Variants in IGSF21 observed in about 807,000 individuals in gnomAD.
IGSF21 encodes immunoglobin superfamily member 21.
IGSF21 carries 28 observed loss-of-function variants against 46.8 expected under a neutral mutation model. The observed-to-expected ratio is 0.60, with a 90% CI of 0.44 to 0.82. IGSF21 has a LOEUF of 0.82. Ranked by LOEUF, IGSF21 falls within the 40% of genes least tolerant of loss-of-function variation. The pLI, the probability that IGSF21 is intolerant of heterozygous loss-of-function variation, is 0.00. For missense variants in IGSF21, 624 were observed against 665.5 expected (o/e 0.94, Z 0.69); for synonymous variants, 284 against 273.6 (o/e 1.04, Z -0.38).
intron 1 of IGSF21, among the ~76,000 whole-genome samples, chr1:18,157,119 C>T (rs188559286): frequency 4.2e-4 from 64 of 152,022 alleles, no homozygotes; most frequent in African/African-American, 1.4e-3. Flanking sequence ...CAGAGGGAGA[C>T]TCCACCTCAA....
At chr1:18,195,580 C>A (rs1048158308) in intron 1 of IGSF21, among the ~76,000 whole-genome samples, 1 of 148,920 alleles carries the variant, frequency 6.7e-6, no homozygotes, top group Non-Finnish European at 1.5e-5. Context: ...AGCTGCCCAG[C>A]CCTGTTGTCT....
intron 1 of IGSF21, among the ~76,000 whole-genome samples, chr1:18,120,583 C>T (rs772740399): frequency 3.9e-5 from 6 of 152,056 alleles, no homozygotes; most frequent in Non-Finnish European, 5.9e-5. Context: ...AGGGTTGTGG[C>T]GATGGTGCAA....
At chr1:18,338,942 A>C (rs2085800323) in intron 4 of IGSF21, among the ~76,000 whole-genome samples, 1 of 151,996 alleles carries the variant, frequency 6.6e-6, no homozygotes, top group Non-Finnish European at 1.5e-5. Flanking sequence ...AATCAATTAG[A>C]TGTTGTGAGA....
At chr1:18,155,597 C>T (rs567552309) in intron 1 of IGSF21, among the ~76,000 whole-genome samples, 39 of 152,320 alleles carry the variant, frequency 2.6e-4, no homozygotes, top group African/African-American at 7.7e-4. Context: ...CCCCGGGTGC[C>T]CAAAAAGCTG....
At chr1:18,361,975 G>T in intron 4 of IGSF21, 140 bp from the exon 5 acceptor site, 4 of 615,916 alleles carry the variant, frequency 6.5e-6, no homozygotes, top group Non-Finnish European at 1.2e-5. Context: ...GATACCAATG[G>T]CACCCCCTGG....
Position 18,269,525 on chromosome 1 carries a change from C to T in IGSF21, c.184-22341C>T, listed in dbSNP as rs542882689. On this transcript the variant is annotated intron_variant, in intron 2 of 9. Coordinates refer to ENST00000251296, the MANE Select transcript of IGSF21 (RefSeq NM_032880.5). ...CTGAACAGAAGGTCTCTTCTTGGCC[C>T]AGAAGTTCTCTAAAGTCCAGAGTCT... Among the ~76,000 whole-genome samples the T allele has an allele frequency of 1.4e-4, 22 of 152,232 alleles. No homozygotes were observed. The South Asian group carries it at 4.6e-3, about 32-fold the overall frequency.
At chr1:18,357,148 T>G in intron 4 of IGSF21, among the ~76,000 whole-genome samples, 1 of 124,848 alleles carries the variant, frequency 8.0e-6, no homozygotes, top group African/African-American at 3.2e-5. Context: ...GGGAGGAGAT[T>G]GAGATGGGGA....
chr1:18,192,295 C>T (rs1405113629), intron 1 of IGSF21, among the ~76,000 whole-genome samples: 4 of 152,238 alleles, frequency 2.6e-5, no homozygotes, highest in African/African-American at 4.8e-5. Flanking sequence ...GGCATGAACA[C>T]GGCTCTGGGC....
chr1:18,119,872 G>T (rs2086219477), intron 1 of IGSF21, among the ~76,000 whole-genome samples: 1 of 152,086 alleles, frequency 6.6e-6, no homozygotes, highest in Non-Finnish European at 1.5e-5. Context: ...TAAAAAAATG[G>T]CTTTATTTAA....
At chr1:18,143,351 G>T (rs993275760) in intron 1 of IGSF21, among the ~76,000 whole-genome samples, 3 of 151,880 alleles carry the variant, frequency 2.0e-5, no homozygotes, top group Admixed American at 6.6e-5. Context: ...CAACAGCCTG[G>T]ACCCTGATCT....
chr1:18,287,164 G>C (rs1197409472), intron 2 of IGSF21, among the ~76,000 whole-genome samples: 14 of 137,508 alleles, frequency 1.0e-4, no homozygotes, highest in Non-Finnish European at 2.2e-4. Context: ...CTGGGCGACA[G>C]AGCGAGACTC....
chr1:18,215,900 T>C (rs2084439784), intron 1 of IGSF21, among the ~76,000 whole-genome samples: 1 of 152,172 alleles, frequency 6.6e-6, no homozygotes, highest in African/African-American at 2.4e-5. Flanking sequence ...GGTACAGTGT[T>C]CATGTCTTGG....
At chr1:18,108,443 G>A (rs1037675791) in intron 1 of IGSF21, among the ~76,000 whole-genome samples, 1 of 151,980 alleles carries the variant, frequency 6.6e-6, no homozygotes, top group Non-Finnish European at 1.5e-5. Context: ...TCTGGGTGAG[G>A]GTGTCCGGGA....
intron 6 of IGSF21, among the ~76,000 whole-genome samples, chr1:18,370,750 CA>C (rs2086216365): frequency 6.6e-6 from 1 of 152,094 alleles, no homozygotes; most frequent in Non-Finnish European, 1.5e-5. Flanking sequence ...AGAACTATGA[CA>C]AATCAATAAT....
At chr1:18,173,891 C>T (rs1470065582) in intron 1 of IGSF21, among the ~76,000 whole-genome samples, 1 of 152,074 alleles carries the variant, frequency 6.6e-6, no homozygotes, top group African/African-American at 2.4e-5. Flanking sequence ...GTAGCTGGGA[C>T]TACAGGCGAG....
chr1:18,209,473 T>C (rs920592888), intron 1 of IGSF21, among the ~76,000 whole-genome samples: 7 of 151,776 alleles, frequency 4.6e-5, no homozygotes, highest in African/African-American at 1.2e-4. Context: ...TTTTTTTTTT[T>C]AGACAGAGTC....
chr1:18,369,918 GCA>G (rs774799611), intron 6 of IGSF21, among the ~76,000 whole-genome samples: 5 of 152,114 alleles, frequency 3.3e-5, no homozygotes, highest in Non-Finnish European at 5.9e-5. Context: ...GAGCGTCCTG[GCA>G]CCCATCTCAC....
intron 4 of IGSF21, among the ~76,000 whole-genome samples, chr1:18,343,126 A>T (rs895507759): frequency 1.3e-5 from 2 of 152,154 alleles, no homozygotes; most frequent in Non-Finnish European, 2.9e-5. Flanking sequence ...GAATATAGCC[A>T]TCCTAGTGGA....
At chr1:18,140,163 G>T (rs957521513) in intron 1 of IGSF21, among the ~76,000 whole-genome samples, 3 of 152,064 alleles carry the variant, frequency 2.0e-5, no homozygotes, top group African/African-American at 7.2e-5. Flanking sequence ...GCCCAAGCTG[G>T]TCTCAAACTT....
Sources: allele counts gnomAD v4.1 joint callset (sites outside exome capture counted in the v4.1 genomes callset), GRCh38; gene constraint gnomAD v4.1.1; transcripts MANE v1.5; gene names NCBI Gene and HGNC (gene_info 2026-07-23, HGNC 2026-07-21).